GDAP2: variants seen among roughly 807,000 people sequenced by gnomAD.
GDAP2 encodes the protein ganglioside-induced differentiation-associated protein 2.
Under a neutral mutation model 67.0 loss-of-function variants are expected in GDAP2, and 51 were observed. That is an observed-to-expected ratio of 0.76 (90% CI 0.61 to 0.96). The LOEUF is 0.96. Ranked by LOEUF, GDAP2 falls within the 40% of genes least tolerant of loss-of-function variation. GDAP2 has a pLI of 0.00. For missense variants in GDAP2, 547 were observed against 588.3 expected (o/e 0.93, Z 0.73); for synonymous variants, 203 against 207.3 (o/e 0.98, Z 0.18).
At chr1:117,873,368 G>C (rs1357626288) in intron 13 of GDAP2, among the ~76,000 whole-genome samples, 1 of 151,170 alleles carries the variant, frequency 6.6e-6, no homozygotes, top group Admixed American at 6.6e-5. Flanking sequence ...GCTATTCCAA[G>C]TCACATAAAT....
rs1394990934 is a variant in GDAP2 at position 117,868,244 on chromosome 1, A to G, written c.*2325T>C. Reference sequence around the variant, plus strand: ...CTTTGAAGCAACTTCATTCTATAACACTTTAGACATCTATAAAAGCATGAA... The same window carrying G: ...CTTTGAAGCAACTTCATTCTATAACGCTTTAGACATCTATAAAAGCATGAA... On this transcript the variant is annotated 3_prime_UTR_variant, in exon 14 of 14. Transcript: ENST00000369443. The G allele has an allele frequency of 2.0e-5, 3 of 152,214 alleles. No individual in the cohort carries two copies. The East Asian group carries it at 5.8e-4, about 29-fold the overall frequency. The allele number at this position is 152,214 out of a possible 1,614,324, so 9.4% of individuals were successfully genotyped here.
chr1:117,870,000 T>C lies in GDAP2; in HGVS notation c.*569A>G, dbSNP rs1260226744. 5 of 152,608 alleles carry C rather than the reference T, an allele frequency of 3.3e-5. No individual in the cohort carries two copies. The highest frequency in any genetic ancestry group is 1.2e-4 in the African/African-American group (5 of 41,466). The allele number at this position is 152,608 out of a possible 1,614,324, so 9.5% of individuals were successfully genotyped here. ...TTTAGTCTTAACTTGTACATTAACA[T>C]TCTAAGTCCTATGTTTTGCTAATGA... On this transcript the variant is annotated 3_prime_UTR_variant, in exon 14 of 14. Coordinates refer to ENST00000369443, the MANE Select transcript of GDAP2 (RefSeq NM_017686.4).
chr1:117,917,442 G>A (rs778645471), intron 3 of GDAP2, among the ~76,000 whole-genome samples: 53 of 152,196 alleles, frequency 3.5e-4, no homozygotes, highest in Non-Finnish European at 5.1e-4. Context: ...CACTTAGGAT[G>A]TGCTTAGCAC....
intron 7 of GDAP2, among the ~76,000 whole-genome samples, chr1:117,897,230 G>T (rs983288402): frequency 6.6e-6 from 1 of 152,214 alleles, no homozygotes; most frequent in Non-Finnish European, 1.5e-5. Context: ...TGACCTGGGT[G>T]TAACCCTAGG....
chr1:117,922,089 C>T (rs965112823), intron 1 of GDAP2, among the ~76,000 whole-genome samples: 2 of 151,858 alleles, frequency 1.3e-5, no homozygotes, highest in African/African-American at 4.8e-5. Flanking sequence ...TTGAGATGCT[C>T]ATTCTATGAC....
At chr1:117,910,158 C>T (rs1649803761) in intron 5 of GDAP2, among the ~76,000 whole-genome samples, 1 of 151,998 alleles carries the variant, frequency 6.6e-6, no homozygotes, top group Admixed American at 6.6e-5. Context: ...AATGAATCAT[C>T]TAGTATAACA....
intron 6 of GDAP2, among the ~76,000 whole-genome samples, chr1:117,899,650 T>C (rs773693569): frequency 6.6e-6 from 1 of 152,240 alleles, no homozygotes; most frequent in South Asian, 2.1e-4. Context: ...TATTCTTTCT[T>C]AAAAGTTTTT....
Position 117,914,448 on chromosome 1 carries a change from C to T in GDAP2, c.317-1765G>A, listed in dbSNP as rs74580402. Among the ~76,000 whole-genome samples the T allele has an allele frequency of 2.7e-3, 409 of 152,016 alleles. 5 individuals carry two copies. The East Asian group carries it at 0.033, about 12-fold the overall frequency. On this transcript the variant is annotated intron_variant, in intron 3 of 13. Coordinates refer to ENST00000369443, the MANE Select transcript of GDAP2 (RefSeq NM_017686.4). ...AAATAAGAGATAACAGATGAGAAAA[C>T]TGAAGAATTAAACAAGAAAATACAA...
At chr1:117,918,212 A>G (rs1650116401) in intron 3 of GDAP2, among the ~76,000 whole-genome samples, 1 of 152,226 alleles carries the variant, frequency 6.6e-6, no homozygotes. Flanking sequence ...CACAAATAAC[A>G]AAGGGATGCA....
rs1475342730 is a variant in GDAP2 at position 117,869,647 on chromosome 1, G to A, written c.*922C>T. The A allele has an allele frequency of 6.6e-6, 1 of 152,576 alleles. No individual in the cohort carries two copies. Among genetic ancestry groups the A allele is most frequent in the Non-Finnish European group, 1.5e-5 (1 of 68,044 alleles). 9.5% of individuals were successfully genotyped at this position (152,576 alleles called of 1,614,324 possible). ...TGCCAATTATCAGCTCCCTGGATTTGTTCACTGTGACACACTTCCTCCACA... is the reference window on the plus strand; with the variant it reads ...TGCCAATTATCAGCTCCCTGGATTTATTCACTGTGACACACTTCCTCCACA... On this transcript the variant is annotated 3_prime_UTR_variant, in exon 14 of 14. Transcript: ENST00000369443.
intron 1 of GDAP2, 27 bp downstream of exon 1, chr1:117,929,421 C>G (rs1382453819): frequency 3.3e-5 from 5 of 153,264 alleles, no homozygotes; most frequent in Non-Finnish European, 5.8e-5. Context: ...CCCCGCCTTC[C>G]CTCCCGGCCT....
chr1:117,866,822 C>G lies in GDAP2; in HGVS notation c.*3747G>C, dbSNP rs1403177348. On this transcript the variant is annotated 3_prime_UTR_variant, in exon 14 of 14. Transcript: ENST00000369443. The stretch of plus-strand genomic sequence containing the variant: ...TGAGCCGAGATCGTGCCATTGCACT[C>G]CAGCCTGGGTGACCAAAAAAAAAAA... 1.3e-5 allele frequency: 2 copies of G among 149,370 alleles called. No homozygotes were observed. Among genetic ancestry groups the G allele is most frequent in the Non-Finnish European group, 3.0e-5 (2 of 67,658 alleles). 9.3% of individuals were successfully genotyped at this position (149,370 alleles called of 1,614,324 possible). A position where few individuals can be genotyped will look rare whatever the true frequency, so the allele number is the denominator to read the frequency against.
chr1:117,913,886 G>A (rs1321715733), intron 3 of GDAP2, among the ~76,000 whole-genome samples: 5 of 152,166 alleles, frequency 3.3e-5, no homozygotes, highest in African/African-American at 1.2e-4. Flanking sequence ...AATGAGATCT[G>A]AATCCTTGTA....
chr1:117,877,717 A>T, intron 13 of GDAP2: 2 of 1,094,350 alleles, frequency 1.8e-6, no homozygotes, highest in Non-Finnish European at 2.2e-6. Context: ...AGGCAGAGGT[A>T]TCTGTTTTAA....
intron 5 of GDAP2, among the ~76,000 whole-genome samples, chr1:117,908,836 T>A (rs538660477): frequency 2.7e-5 from 4 of 146,370 alleles, no homozygotes; most frequent in South Asian, 2.1e-4. Flanking sequence ...AAAAAATAAA[T>A]AAATAAATAA....
intron 6 of GDAP2, among the ~76,000 whole-genome samples, chr1:117,904,932 T>G (rs1032661890): frequency 6.6e-6 from 1 of 152,178 alleles, no homozygotes; most frequent in African/African-American, 2.4e-5. Flanking sequence ...CTCCAAAACT[T>G]TTCCCACTTT....
rs1459963740 is a variant in GDAP2 at position 117,883,523 on chromosome 1, G to A, written c.1212C>T (p.Asp404=). 1 of 1,612,660 alleles carries A rather than the reference G, an allele frequency of 6.2e-7. No individual in the cohort carries two copies. The highest frequency in any genetic ancestry group is 8.5e-7 in the Non-Finnish European group (1 of 1,178,954). The change falls in exon 11 of 14, where the codon GAC becomes GAT. Residue 404 remains aspartate, a synonymous_variant. Coordinates refer to ENST00000369443, the MANE Select transcript of GDAP2 (RefSeq NM_017686.4). The stretch of plus-strand genomic sequence containing the variant: ...CAACATCGTAGAGTTTCTTCAGGAA[G>A]TCGGAGTCCAGGTGATTGTATTCGC... ...LTSEYNHLDS[D]FLKKLYDVVD... is the part of the protein sequence containing the mutation.
chr1:117,902,722 A>G (rs1311742729), intron 6 of GDAP2, among the ~76,000 whole-genome samples: 1 of 152,120 alleles, frequency 6.6e-6, no homozygotes, highest in Non-Finnish European at 1.5e-5. Flanking sequence ...CTTTTTTTCC[A>G]AAATGGTTTT....
chr1:117,912,716 T>G (rs1570990139), intron 3 of GDAP2, 33 bp from the exon 4 acceptor site: 2 of 1,584,540 alleles, frequency 1.3e-6, no homozygotes, highest in South Asian at 1.1e-5. Context: ...TAAGTTTGGA[T>G]GTGTTAGGAA....
Sources: gnomAD v4.1 joint callset for allele counts (sites outside exome capture counted in the v4.1 genomes callset) on GRCh38, gnomAD v4.1.1 for gene constraint, MANE v1.5 for transcripts, NCBI Gene and HGNC (gene_info 2026-07-23, HGNC 2026-07-21) for gene names.